The following LGSN variants were observed in gnomAD, a reference collection of about 807,000 sequenced individuals.
The protein encoded by LGSN is lengsin.
Under a neutral mutation model 19.5 loss-of-function variants are expected in LGSN, and 21 were observed. That is an observed-to-expected ratio of 1.07 (90% CI 0.76 to 1.55). The LOEUF (loss-of-function observed/expected upper bound fraction) is 1.55, where lower values mean the gene tolerates loss of function less well. Among genes scored for constraint, LGSN ranks in the 40% most tolerant of loss-of-function variants. The pLI is 0.00. For missense variants in LGSN, 673 were observed against 608.5 expected, an observed-to-expected ratio of 1.11 and a Z score of -1.12; for synonymous variants, 257 against 215.6, an observed-to-expected ratio of 1.19 and a Z score of -1.68.
the LGSN span, among the ~76,000 whole-genome samples, chr6:63,489,358 T>C: frequency 6.6e-6 from 1 of 152,180 alleles, no homozygotes; most frequent in Non-Finnish European, 1.5e-5. Context: ...CTTGTCTGTA[T>C]TTTATTGTAT....
the LGSN span, among the ~76,000 whole-genome samples, chr6:63,526,698 C>T: frequency 6.6e-6 from 1 of 150,968 alleles, no homozygotes; most frequent in Non-Finnish European, 1.5e-5. Context: ...GTCTCAGCTA[C>T]TCCGGAGGCT....
chr6:63,478,243 G>A, the LGSN span, among the ~76,000 whole-genome samples: 1 of 152,124 alleles, frequency 6.6e-6, no homozygotes, highest in Non-Finnish European at 1.5e-5. Context: ...AAAGAGGGAG[G>A]ATTTTAAGAG....
chr6:63,564,194 T>G, the LGSN span, among the ~76,000 whole-genome samples: 1 of 151,488 alleles, frequency 6.6e-6, no homozygotes, highest in Admixed American at 6.6e-5. Flanking sequence ...GAGAATCACT[T>G]GAACCCGGGA....
intron 1 of LGSN, among the ~76,000 whole-genome samples, chr6:63,312,308 A>G (rs1768662397): frequency 6.6e-6 from 1 of 152,208 alleles, no homozygotes; most frequent in Non-Finnish European, 1.5e-5. Flanking sequence ...CCCTTTGGAT[A>G]TATATCCAGT....
At chr6:63,483,368 CTTTTT>C in the LGSN span, among the ~76,000 whole-genome samples, 1 of 143,578 alleles carries the variant, frequency 7.0e-6, no homozygotes, top group Non-Finnish European at 1.5e-5. Flanking sequence ...AAAGGAAGCT[CTTTTT>C]TTTTTTTTTT....
the LGSN span, among the ~76,000 whole-genome samples, chr6:63,344,137 C>T: frequency 1.9e-4 from 29 of 152,272 alleles, 1 homozygote; most frequent in South Asian, 5.8e-3. Flanking sequence ...AAAACTCACC[C>T]TGACTTCCAA....
chr6:63,557,996 TCTC>T, the LGSN span, among the ~76,000 whole-genome samples: 2 of 151,836 alleles, frequency 1.3e-5, no homozygotes, highest in Non-Finnish European at 2.9e-5. Context: ...TTCAAGCAAT[TCTC>T]CTGCTGTGAC....
chr6:63,550,944 A>T, the LGSN span, among the ~76,000 whole-genome samples: 1 of 152,096 alleles, frequency 6.6e-6, no homozygotes, highest in Non-Finnish European at 1.5e-5. Context: ...TTTTTCAAAT[A>T]ACCTTTATTT....
At chr6:63,290,394 A>C (rs1262306954) in intron 2 of LGSN, among the ~76,000 whole-genome samples, 1 of 152,238 alleles carries the variant, frequency 6.6e-6, no homozygotes, top group Non-Finnish European at 1.5e-5. Flanking sequence ...TTTGTAGCTA[A>C]AACTAGAATA....
At chr6:63,347,303 C>A in the LGSN span, among the ~76,000 whole-genome samples, 37 of 151,874 alleles carry the variant, frequency 2.4e-4, no homozygotes, top group Admixed American at 1.4e-3. Flanking sequence ...ATTTTAAAAC[C>A]AGTCTTTTTT....
At chr6:63,509,712 T>C in the LGSN span, among the ~76,000 whole-genome samples, 1 of 152,218 alleles carries the variant, frequency 6.6e-6, no homozygotes, top group Non-Finnish European at 1.5e-5. Flanking sequence ...TTTAATACGT[T>C]ATAACAGTAA....
At chr6:63,520,669 A>T in the LGSN span, among the ~76,000 whole-genome samples, 2 of 151,168 alleles carry the variant, frequency 1.3e-5, no homozygotes, top group African/African-American at 4.9e-5. Flanking sequence ...AAATAAATAA[A>T]TAAAATGAAA....
At chr6:63,330,530 G>A in the LGSN span, among the ~76,000 whole-genome samples, 1 of 152,298 alleles carries the variant, frequency 6.6e-6, no homozygotes, top group East Asian at 1.9e-4. Context: ...TCAGGTGACA[G>A]GGGAATATAT....
At chr6:63,486,823 A>T in the LGSN span, among the ~76,000 whole-genome samples, 4 of 121,152 alleles carry the variant, frequency 3.3e-5, no homozygotes, top group South Asian at 2.2e-4. Flanking sequence ...TGTTTATTTT[A>T]TTATTATTAT....
At chr6:63,398,314 T>G in the LGSN span, among the ~76,000 whole-genome samples, 4 of 151,540 alleles carry the variant, frequency 2.6e-5, no homozygotes, top group African/African-American at 9.7e-5. Context: ...CAGCTCTATG[T>G]GTGTTATTGC....
chr6:63,531,252 TAAG>T, the LGSN span, among the ~76,000 whole-genome samples: 5 of 152,056 alleles, frequency 3.3e-5, no homozygotes, highest in Non-Finnish European at 7.4e-5. Context: ...AATCACAGAC[TAAG>T]AAGAGGATTT....
At chr6:63,324,025 A>G (rs995476308), upstream of LGSN, among the ~76,000 whole-genome samples, 1 of 152,108 alleles carries the variant, frequency 6.6e-6, no homozygotes, top group Non-Finnish European at 1.5e-5. Context: ...CACCTGCCTC[A>G]GCCTCCCAAA....
the LGSN span, among the ~76,000 whole-genome samples, chr6:63,473,464 A>C: frequency 7.4e-5 from 9 of 122,172 alleles, no homozygotes; most frequent in Non-Finnish European, 1.5e-4. Flanking sequence ...ACAGAGCGAC[A>C]CTCTGTCTAA....
the LGSN span, among the ~76,000 whole-genome samples, chr6:63,482,602 G>A: frequency 1.1e-4 from 16 of 152,210 alleles, no homozygotes; most frequent in African/African-American, 2.9e-4. Context: ...GGTGGTGCAC[G>A]CCTGTGGTCC....
Sources: gnomAD v4.1 joint callset for allele counts (sites outside exome capture counted in the v4.1 genomes callset) on GRCh38, gnomAD v4.1.1 for gene constraint, MANE v1.5 for transcripts, NCBI Gene and HGNC (gene_info 2026-07-23, HGNC 2026-07-21) for gene names.